The following GPR158 variants were observed in gnomAD, a reference collection of about 807,000 sequenced individuals.
The protein encoded by GPR158 is metabotropic glycine receptor.
Under a neutral mutation model 78.2 loss-of-function variants are expected in GPR158, and 30 were observed. The ratio of observed to expected loss-of-function variants is 0.38; its 90% CI spans 0.29 to 0.52. GPR158 has a LOEUF of 0.52. Among genes scored for constraint, GPR158 ranks in the 20% least tolerant of loss-of-function variants. GPR158 has a pLI of 0.83. For missense variants in GPR158, 1,463 were observed against 1,523.5 expected (o/e 0.96, Z 0.66); for synonymous variants, 581 against 591.1 (o/e 0.98, Z 0.25).
At chr10:25,177,314 G>C (rs1209638235) in intron 1 of GPR158, among the ~76,000 whole-genome samples, 1 of 152,152 alleles carries the variant, frequency 6.6e-6, no homozygotes, top group Non-Finnish European at 1.5e-5. Flanking sequence ...AACTGAAAGA[G>C]TAGTTACACC....
intron 4 of GPR158, among the ~76,000 whole-genome samples, chr10:25,464,126 G>A (rs968070748): frequency 1.3e-5 from 2 of 152,186 alleles, no homozygotes; most frequent in Admixed American, 6.5e-5. Context: ...GCTTAGCCAG[G>A]AGCAAGGCAG....
At chr10:25,521,966 A>G (rs1836282669) in intron 5 of GPR158, among the ~76,000 whole-genome samples, 1 of 152,136 alleles carries the variant, frequency 6.6e-6, no homozygotes, top group Non-Finnish European at 1.5e-5. Flanking sequence ...GGGCCCAGAA[A>G]CTCACTTGCT....
intron 2 of GPR158, among the ~76,000 whole-genome samples, chr10:25,343,567 T>G (rs1588811579): frequency 6.6e-6 from 1 of 152,028 alleles, no homozygotes; most frequent in South Asian, 2.1e-4. Context: ...TATCCCTGAT[T>G]TATCAAAATT....
Position 25,598,842 on chromosome 10 carries a change from C to T in GPR158, c.3216C>T (p.Cys1072=). 1 of 1,614,064 alleles carries T rather than the reference C, an allele frequency of 6.2e-7. No homozygotes were observed. The highest frequency in any genetic ancestry group is 8.5e-7 in the Non-Finnish European group (1 of 1,180,016). ...AGCGCATAGATAAGGCTGAAGTATG[C>T]CTTTGGGAGAGCCAAGGCCAGTCCA... ...NQKRIDKAEV[C]LWESQGQSIL... is the part of the protein sequence containing the mutation. Residue 1072 remains cysteine, a synonymous_variant, in exon 11 of 11, where the codon TGC becomes TGT. Transcript: ENST00000376351.
intron 2 of GPR158, among the ~76,000 whole-genome samples, chr10:25,305,256 A>T (rs113098134): frequency 7.6e-4 from 116 of 152,294 alleles, no homozygotes; most frequent in African/African-American, 2.7e-3. Context: ...TTCCCAAAGG[A>T]TTCCTTCCCA....
chr10:25,230,929 G>A (rs1853438967), intron 2 of GPR158, among the ~76,000 whole-genome samples: 2 of 152,068 alleles, frequency 1.3e-5, no homozygotes, highest in South Asian at 4.2e-4. Context: ...ATGCGATATT[G>A]GCTATATGTT....
intron 2 of GPR158, among the ~76,000 whole-genome samples, chr10:25,345,560 A>G (rs1855361252): frequency 6.6e-6 from 1 of 152,010 alleles, no homozygotes; most frequent in African/African-American, 2.4e-5. Flanking sequence ...ATGGAGAGAT[A>G]CCAGCCCTAT....
chr10:25,374,775 C>T (rs944513632), intron 2 of GPR158, among the ~76,000 whole-genome samples: 1 of 151,610 alleles, frequency 6.6e-6, no homozygotes, highest in Non-Finnish European at 1.5e-5. Context: ...TATGGATGTA[C>T]TATGTTGGTT....
chr10:25,495,686 T>A (rs954305162), intron 5 of GPR158, among the ~76,000 whole-genome samples: 3 of 152,112 alleles, frequency 2.0e-5, no homozygotes, highest in African/African-American at 7.2e-5. Flanking sequence ...GCGCATTTCC[T>A]CTTAAGTGTT....
intron 2 of GPR158, among the ~76,000 whole-genome samples, chr10:25,231,635 G>A (rs148653969): frequency 2.6e-5 from 4 of 152,240 alleles, no homozygotes; most frequent in African/African-American, 9.6e-5. Flanking sequence ...GTCTGTACAC[G>A]TTATCTGGGC....
intron 4 of GPR158, among the ~76,000 whole-genome samples, chr10:25,425,704 AAAAC>A (rs1218670745): frequency 6.6e-6 from 1 of 150,746 alleles, no homozygotes; most frequent in Non-Finnish European, 1.5e-5. Context: ...CAGCAAGAAC[AAAAC>A]AAACAATCCC....
At position 25,575,499 on chromosome 10, in the gene GPR158, C is replaced by A. The variant is rs562344315; in HGVS notation, c.1753+2612C>A. 1.4e-4 allele frequency among the ~76,000 whole-genome samples: 21 copies of A among 152,232 alleles called. No individual in the cohort carries two copies. In the South Asian group the frequency reaches 4.2e-3, roughly 30 times the overall value. On this transcript the variant is annotated intron_variant, in intron 7 of 10. Coordinates refer to ENST00000376351, the MANE Select transcript of GPR158 (RefSeq NM_020752.3). Reference sequence around the variant, plus strand: ...GAAATGCAGATTCTCAGAGCTCACTCTGACTTCCTCAATCAGACACTCCCG... The same window carrying A: ...GAAATGCAGATTCTCAGAGCTCACTATGACTTCCTCAATCAGACACTCCCG...
At chr10:25,415,809 C>G (rs1773688) in intron 4 of GPR158, among the ~76,000 whole-genome samples, 106,211 of 151,816 alleles carry the variant, frequency 0.7, 38,156 homozygotes, top group Non-Finnish European at 0.8. Flanking sequence ...CAAATTCATA[C>G]AGACAAGTAG....
chr10:25,505,549 A>T (rs867634508), intron 5 of GPR158, among the ~76,000 whole-genome samples: 8 of 152,186 alleles, frequency 5.3e-5, no homozygotes, highest in South Asian at 2.1e-4. Context: ...ATTTTCAAAA[A>T]CATGAGTTTG....
At chr10:25,287,005 C>T (rs1037989050) in intron 2 of GPR158, among the ~76,000 whole-genome samples, 2 of 151,982 alleles carry the variant, frequency 1.3e-5, no homozygotes, top group Non-Finnish European at 2.9e-5. Context: ...TGCCTGCTAT[C>T]CTCGTGGTGA....
chr10:25,399,803 G>A (rs1419524881), intron 3 of GPR158, among the ~76,000 whole-genome samples: 2 of 152,134 alleles, frequency 1.3e-5, no homozygotes, highest in East Asian at 3.9e-4. Flanking sequence ...TATATTGCAT[G>A]TTTCTGTGTT....
At chr10:25,232,018 C>G (rs1853455432) in intron 2 of GPR158, among the ~76,000 whole-genome samples, 1 of 152,056 alleles carries the variant, frequency 6.6e-6, no homozygotes, top group Non-Finnish European at 1.5e-5. Flanking sequence ...GATGTGAACT[C>G]AAAGTACCAG....
chr10:25,417,461 C>G (rs1270455798), intron 4 of GPR158, among the ~76,000 whole-genome samples: 1 of 152,126 alleles, frequency 6.6e-6, no homozygotes, highest in East Asian at 1.9e-4. Context: ...TCCTCAGAAC[C>G]ATTCTTAGGA....
At chr10:25,297,912 G>C (rs751801512) in intron 2 of GPR158, among the ~76,000 whole-genome samples, 1 of 152,280 alleles carries the variant, frequency 6.6e-6, no homozygotes, top group East Asian at 1.9e-4. Flanking sequence ...GCATGGACTT[G>C]GGAGCCAGTC....
Sources: gnomAD v4.1 joint callset for allele counts (sites outside exome capture counted in the v4.1 genomes callset) on GRCh38, gnomAD v4.1.1 for gene constraint, MANE v1.5 for transcripts, NCBI Gene and HGNC (gene_info 2026-07-23, HGNC 2026-07-21) for gene names.